TPO: variants seen among roughly 807,000 people sequenced by gnomAD.
The protein encoded by TPO is thyroid peroxidase.
A neutral mutation model predicts 96.9 loss-of-function variants in TPO; 78 were observed. That is an observed-to-expected ratio of 0.81 (90% CI 0.67 to 0.97). The LOEUF (loss-of-function observed/expected upper bound fraction) is 0.97. Ranked by LOEUF, TPO falls within the 50% of genes least tolerant of loss-of-function variation. The pLI, the probability that TPO is intolerant of heterozygous loss-of-function variation, is 0.00. For synonymous variants in TPO, 547 were observed against 538.0 expected (o/e 1.02, Z -0.23); for missense variants, 1,252 against 1,274.8 (o/e 0.98, Z 0.27).
chr2:1,465,616 C>T (rs563929622), intron 7 of TPO, among the ~76,000 whole-genome samples: 11 of 151,918 alleles, frequency 7.2e-5, no homozygotes, highest in African/African-American at 2.7e-4. Flanking sequence ...TCTTTCATCT[C>T]CTTGGTTAGG....
chr2:1,504,626 C>T (rs1051196161), intron 14 of TPO, among the ~76,000 whole-genome samples: 8 of 152,208 alleles, frequency 5.3e-5, no homozygotes, highest in South Asian at 2.1e-4. Context: ...TCTTCCTCAC[C>T]GCTGCCTCCA....
At chr2:1,496,221 C>T in intron 12 of TPO, 24 bp downstream of exon 12, 5 of 1,609,732 alleles carry the variant, frequency 3.1e-6, no homozygotes, top group Non-Finnish European at 4.2e-6. Context: ...TCCTCTCACA[C>T]CACGTTACAG....
At chr2:1,488,043 C>T (rs765506964) in intron 10 of TPO, 52 bp downstream of exon 10, 86 of 1,608,770 alleles carry the variant, frequency 5.3e-5, no homozygotes, top group Non-Finnish European at 6.7e-5. Flanking sequence ...CGGGATTTGC[C>T]GAGCTAGCAA....
intron 1 of TPO, among the ~76,000 whole-genome samples, chr2:1,402,092 C>T (rs761407360): frequency 4.6e-5 from 7 of 152,154 alleles, no homozygotes; most frequent in South Asian, 2.1e-4. Context: ...AAAGGGCTGA[C>T]GGTTACCTCT....
chr2:1,541,149 A>G, intron 16 of TPO: 1 of 1,178,606 alleles, frequency 8.5e-7, no homozygotes, highest in South Asian at 1.7e-5. Context: ...GCAGAACCCC[A>G]AGGGAGGCCA....
At chr2:1,532,831 C>A (rs1281478735) in intron 15 of TPO, among the ~76,000 whole-genome samples, 1 of 53,328 alleles carries the variant, frequency 1.9e-5, no homozygotes, top group Non-Finnish European at 3.2e-5. Flanking sequence ...CCCCACTCTG[C>A]ACAATCTCCC....
chr2:1,521,886 C>A (rs1000709809), intron 15 of TPO, among the ~76,000 whole-genome samples: 2 of 151,990 alleles, frequency 1.3e-5, no homozygotes, highest in African/African-American at 2.4e-5. Flanking sequence ...CCACCCCAGT[C>A]CCCCCGTGGG....
chr2:1,524,788 A>T (rs1193824179), intron 15 of TPO, among the ~76,000 whole-genome samples: 1 of 121,340 alleles, frequency 8.2e-6, no homozygotes. Context: ...CACTATGAGC[A>T]GCCTCCTCAA....
At chr2:1,488,246 G>T (rs771531642) in intron 10 of TPO, among the ~76,000 whole-genome samples, 27 of 152,126 alleles carry the variant, frequency 1.8e-4, no homozygotes, top group Non-Finnish European at 2.6e-4. Flanking sequence ...AGAAACAGCC[G>T]CTTCTAGTAG....
intron 1 of TPO, among the ~76,000 whole-genome samples, chr2:1,378,663 A>C (rs762052433): frequency 6.6e-6 from 1 of 152,178 alleles, no homozygotes; most frequent in Non-Finnish European, 1.5e-5. Flanking sequence ...TCTCCCTGGG[A>C]GGCCCTGTTC....
intron 5 of TPO, 101 bp from the exon 6 acceptor site, chr2:1,453,593 C>G (rs1429967238): frequency 1.3e-6 from 2 of 1,592,760 alleles, no homozygotes; most frequent in African/African-American, 1.3e-5. Flanking sequence ...TCCGGAGAGA[C>G]CCCACTTATT....
intron 15 of TPO, among the ~76,000 whole-genome samples, chr2:1,527,695 C>T (rs1330052954): frequency 1.1e-4 from 16 of 139,230 alleles, no homozygotes; most frequent in Admixed American, 6.4e-4. Flanking sequence ...CAATTGTGGG[C>T]AACCACACAA....
At chr2:1,538,035 CCACTGTGTGCAACCTCCTCAAATCCCCCA>C (rs1217386805) in intron 15 of TPO, among the ~76,000 whole-genome samples, 87 of 108,166 alleles carry the variant, frequency 8.0e-4, no homozygotes, top group South Asian at 1.3e-3. Context: ...TCAAGTCCCC[CCACTGTGTGCAACCTCCTCAAATCCCCCA>C]CACTGTGTGC....
chr2:1,527,829 TACTGTGTGCAACCTCCTCAAATCCCCCCC>T (rs1558414193), intron 15 of TPO, among the ~76,000 whole-genome samples: 6 of 25,320 alleles, frequency 2.4e-4, no homozygotes, highest in South Asian at 1.7e-3. Flanking sequence ...CAAATCCCCA[TACTGTGTGCAACCTCCTCAAATCCCCCCC>T]ACTGTGTTCA....
intron 8 of TPO, among the ~76,000 whole-genome samples, chr2:1,478,606 T>C (rs994105590): frequency 2.0e-5 from 3 of 152,220 alleles, no homozygotes; most frequent in African/African-American, 7.2e-5. Flanking sequence ...CCTTAGTTCC[T>C]GGGTGGCGAG....
At chr2:1,473,991 C>T (rs1391744765) in intron 7 of TPO, among the ~76,000 whole-genome samples, 2 of 152,080 alleles carry the variant, frequency 1.3e-5, no homozygotes, top group Non-Finnish European at 2.9e-5. Context: ...CTTACAGTAG[C>T]TTTACCAGCT....
intron 13 of TPO, among the ~76,000 whole-genome samples, chr2:1,499,529 C>T (rs1485280617): frequency 6.6e-6 from 1 of 152,112 alleles, no homozygotes; most frequent in African/African-American, 2.4e-5. Context: ...TGGTGGGCTC[C>T]CTGGCTGCAG....
intron 1 of TPO, among the ~76,000 whole-genome samples, chr2:1,395,577 G>A (rs1662067076): frequency 6.6e-6 from 1 of 152,186 alleles, no homozygotes; most frequent in South Asian, 2.1e-4. Context: ...TCCATGTGAA[G>A]TGGGTTTGAG....
intron 7 of TPO, among the ~76,000 whole-genome samples, chr2:1,458,711 T>A (rs1436985326): frequency 2.0e-5 from 3 of 152,194 alleles, no homozygotes; most frequent in Non-Finnish European, 2.9e-5. Context: ...CTGTGTCACA[T>A]CATGTGCATG....
Sources: gnomAD v4.1 joint callset for allele counts (sites outside exome capture counted in the v4.1 genomes callset) on GRCh38, gnomAD v4.1.1 for gene constraint, MANE v1.5 for transcripts, NCBI Gene and HGNC (gene_info 2026-07-23, HGNC 2026-07-21) for gene names.